The following EMP2 variants were observed in gnomAD, a reference collection of about 807,000 sequenced individuals.
EMP2 encodes the protein epithelial membrane protein 2.
Under a neutral mutation model 13.7 loss-of-function variants are expected in EMP2, and 19 were observed. That is an observed-to-expected ratio of 1.38 (90% CI 0.97 to 2.03). The LOEUF is 2.03. EMP2 is among the 30% of genes most tolerant of loss of function. The pLI is 0.00. For synonymous variants in EMP2, 97 were observed against 84.7 expected (o/e 1.15, Z -0.80); for missense variants, 253 against 220.7 (o/e 1.15, Z -0.93).
chr16:10,547,596 T>A lies in EMP2; in HGVS notation c.22A>T (p.Ile8Phe). 6.2e-7 allele frequency: 1 copy of A among 1,614,042 alleles called. No homozygotes were observed. The highest frequency in any genetic ancestry group is 8.5e-7 in the Non-Finnish European group (1 of 1,180,014). ...GCAGAGGTGATGTGGAAGGCGATGA[T>A]GAAAGCAAGAAGCACCAACATTTTC... MLVLLAFIIAFHITSAAL... is the reference protein window; with the variant it reads MLVLLAFFIAFHITSAAL... The change falls in exon 2 of 5, where the codon ATC (isoleucine) becomes TTC (phenylalanine). Residue 8 changes from isoleucine to phenylalanine, a missense_variant. By Grantham distance (21) the Ile-to-Phe change is conservative. Coordinates refer to ENST00000359543, the MANE Select transcript of EMP2 (RefSeq NM_001424.6).
In EMP2 at chr16:10,530,589, T is replaced by C. The variant is rs1044802341; in HGVS notation, c.*2316A>G. ...CTTATCTCCTGGGATGGTTCCTGGGTGGTCTGCATTGCCACACAGCATCAT... is the reference window on the plus strand; with the variant it reads ...CTTATCTCCTGGGATGGTTCCTGGGCGGTCTGCATTGCCACACAGCATCAT... On this transcript the variant is annotated 3_prime_UTR_variant, in exon 5 of 5. Transcript: ENST00000359543. 13 of 150,740 alleles carry C rather than the reference T, an allele frequency of 8.6e-5. No homozygotes were observed. The highest frequency in any genetic ancestry group is 2.7e-4 in the African/African-American group (11 of 40,698). 9.3% of individuals were successfully genotyped at this position (150,740 alleles called of 1,614,324 possible).
intron 4 of EMP2, among the ~76,000 whole-genome samples, chr16:10,534,090 G>A (rs946170616): frequency 3.3e-5 from 5 of 151,610 alleles, no homozygotes; most frequent in South Asian, 2.1e-4. Flanking sequence ...ACTCCAGCCC[G>A]CACAACAGCA....
intron 1 of EMP2, among the ~76,000 whole-genome samples, chr16:10,560,248 G>A (rs908805532): frequency 6.6e-6 from 1 of 152,138 alleles, no homozygotes; most frequent in Admixed American, 6.6e-5. Flanking sequence ...CCACATCCTG[G>A]GAACATGCTT....
At chr16:10,560,084 A>G (rs986853398) in intron 1 of EMP2, among the ~76,000 whole-genome samples, 4 of 152,226 alleles carry the variant, frequency 2.6e-5, no homozygotes, top group African/African-American at 9.6e-5. Flanking sequence ...GCAGCGTGGC[A>G]CCAGAGAAAC....
intron 4 of EMP2, 60 bp from the exon 5 acceptor site, chr16:10,533,152 C>A: frequency 7.3e-7 from 1 of 1,366,724 alleles, no homozygotes; most frequent in Non-Finnish European, 9.6e-7. Flanking sequence ...CCTGGGTAGC[C>A]CAGGGGCATA....
rs993535973 is a variant in EMP2 at position 10,531,987 on chromosome 16, T to G, written c.*918A>C. On this transcript the variant is annotated 3_prime_UTR_variant, in exon 5 of 5. Coordinates refer to ENST00000359543, the MANE Select transcript of EMP2 (RefSeq NM_001424.6). ...CCCTAGATGTAGACAGCTGTGGCGA[T>G]GGAGGCCAAGGTTTTGGCCTGCTGT... is the stretch of plus-strand genomic sequence containing the variant. 1 of 154,790 alleles carries G rather than the reference T, an allele frequency of 6.5e-6. No homozygotes were observed. The highest frequency in any genetic ancestry group is 2.4e-5 in the African/African-American group (1 of 41,488). The allele number at this position is 154,790 out of a possible 1,614,324, so 9.6% of individuals were successfully genotyped here.
chr16:10,548,864 T>TGTG (rs1365046441), intron 1 of EMP2, among the ~76,000 whole-genome samples: 1 of 152,186 alleles, frequency 6.6e-6, no homozygotes, highest in Non-Finnish European at 1.5e-5. Context: ...AGGAAGACTA[T>TGTG]ATTTCCTGGA....
intron 2 of EMP2, chr16:10,544,164 ATTTC>A (rs1340803512): frequency 8.7e-6 from 1 of 114,380 alleles, no homozygotes; most frequent in East Asian, 3.4e-4. Flanking sequence ...GGGATTCTAC[ATTTC>A]TTTTTTTTTT....
chr16:10,549,948 C>T (rs1211024489), intron 1 of EMP2, among the ~76,000 whole-genome samples: 6 of 132,704 alleles, frequency 4.5e-5, no homozygotes, highest in South Asian at 4.6e-4. Flanking sequence ...TACAGTGGTG[C>T]GATCTCAGCC....
chr16:10,580,028 TC>T lies in EMP2; in HGVS notation c.-61+520del, dbSNP rs1255443088. Among the ~76,000 whole-genome samples the T allele has an allele frequency of 2.0e-5, 3 of 152,154 alleles. No individual in the cohort carries two copies. The highest frequency in any genetic ancestry group is 2.0e-4 in the Admixed American group (3 of 15,272). ...AGAGAGGTGTCATCCCAGCAGCGCC[TC>T]CCGGCTCCTCCACCGTTCCTGACCC... On this transcript the variant is annotated intron_variant, in intron 1 of 4. Transcript: ENST00000359543. This position sits in a 1 kb window ranked among gnomAD's most constrained non-coding sequence, Gnocchi z 4.3.
At chr16:10,555,350 T>C (rs1414488166) in intron 1 of EMP2, among the ~76,000 whole-genome samples, 1 of 152,142 alleles carries the variant, frequency 6.6e-6, no homozygotes, top group Non-Finnish European at 1.5e-5. Flanking sequence ...AGCAGAACAT[T>C]CTAAAAGGCC....
At chr16:10,536,305 G>T in intron 4 of EMP2, among the ~76,000 whole-genome samples, 1 of 151,998 alleles carries the variant, frequency 6.6e-6, no homozygotes, top group East Asian at 1.9e-4. Context: ...GTATCCCTCG[G>T]GCTGGAGTAC....
chr16:10,559,964 C>G (rs943763755), intron 1 of EMP2, among the ~76,000 whole-genome samples: 2 of 152,160 alleles, frequency 1.3e-5, no homozygotes, highest in Non-Finnish European at 2.9e-5. Flanking sequence ...CGTGAGCCAC[C>G]GTGCCCAGCA....
At chr16:10,561,850 T>C (rs1288649934) in intron 1 of EMP2, among the ~76,000 whole-genome samples, 1 of 152,038 alleles carries the variant, frequency 6.6e-6, no homozygotes, top group East Asian at 1.9e-4. Flanking sequence ...AAAGGGCTAA[T>C]AACAAGTGAA....
chr16:10,562,141 C>A (rs1596379224), intron 1 of EMP2, among the ~76,000 whole-genome samples: 1 of 152,148 alleles, frequency 6.6e-6, no homozygotes, highest in African/African-American at 2.4e-5. Context: ...AGACCAATAT[C>A]CCACATGTGC....
chr16:10,545,108 A>C (rs1329723926), intron 2 of EMP2: 1 of 152,148 alleles, frequency 6.6e-6, no homozygotes, highest in Non-Finnish European at 1.5e-5. Flanking sequence ...TCTTCTTAGT[A>C]TGTGCCATGA....
intron 1 of EMP2, among the ~76,000 whole-genome samples, chr16:10,554,489 A>G (rs1051247007): frequency 7.9e-5 from 12 of 152,074 alleles, no homozygotes; most frequent in Admixed American, 6.5e-4. Flanking sequence ...TCTCCTTGCC[A>G]CTACATACAC....
chr16:10,537,816 G>A (rs1309517548), intron 4 of EMP2, 112 bp downstream of exon 4: 2 of 1,436,864 alleles, frequency 1.4e-6, no homozygotes, highest in East Asian at 2.3e-5. Context: ...CCGCGCGGCT[G>A]CCAATTTCTC....
intron 1 of EMP2, among the ~76,000 whole-genome samples, chr16:10,553,913 T>C (rs1183631346): frequency 6.6e-6 from 1 of 152,254 alleles, no homozygotes; most frequent in Non-Finnish European, 1.5e-5. Context: ...AGTATGTGCA[T>C]TTATTTTTGT....
Sources: gnomAD v4.1 joint callset for allele counts (sites outside exome capture counted in the v4.1 genomes callset) on GRCh38, gnomAD v4.1.1 for gene constraint, Gnocchi (gnomAD v3.1) non-coding constraint, MANE v1.5 for transcripts, NCBI Gene and HGNC (gene_info 2026-07-23, HGNC 2026-07-21) for gene names.